ANOS1: variants seen among roughly 807,000 people sequenced by gnomAD.
ANOS1 encodes the protein anosmin-1.
ANOS1 carries 6 observed loss-of-function variants against 59.0 expected under a neutral mutation model. That is an observed-to-expected ratio of 0.10 (90% CI 0.06 to 0.20). ANOS1 has a LOEUF of 0.20. ANOS1 is among the 10% of genes least tolerant of loss of function. The pLI is 1.00. For missense variants in ANOS1, 433 were observed against 542.3 expected (o/e 0.80, Z 2.00); for synonymous variants, 217 against 223.4 (o/e 0.97, Z 0.25).
chrX:8,661,027 CTATT>C (rs943208584), intron 2 of ANOS1, among the ~76,000 whole-genome samples: 2 of 111,608 alleles, frequency 1.8e-5, no homozygotes, highest in Non-Finnish European at 3.8e-5. Flanking sequence ...AAACAACAGA[CTATT>C]TATTTTCCCA....
At chrX:8,656,813 G>A (rs1385765847) in intron 2 of ANOS1, among the ~76,000 whole-genome samples, 1 of 111,342 alleles carries the variant, frequency 9.0e-6, no homozygotes, top group Non-Finnish European at 1.9e-5. Flanking sequence ...TTCCCCCAAT[G>A]AGCCAGTACC....
chrX:8,544,926 C>T (rs916043581), intron 9 of ANOS1, among the ~76,000 whole-genome samples: 1 of 106,935 alleles, frequency 9.4e-6, no homozygotes, highest in African/African-American at 3.4e-5. Context: ...ATTAGCCAAG[C>T]GTGGTGGTGC....
chrX:8,684,427 G>A (rs1171647816), intron 2 of ANOS1, among the ~76,000 whole-genome samples: 1 of 111,347 alleles, frequency 9.0e-6, no homozygotes, highest in Non-Finnish European at 1.9e-5. Flanking sequence ...CTTGCCGGCC[G>A]TAATGTGAAT....
intron 1 of ANOS1, among the ~76,000 whole-genome samples, chrX:8,720,388 AT>A (rs1178844909): frequency 2.7e-5 from 3 of 111,517 alleles, no homozygotes. Flanking sequence ...AAACTCTGCT[AT>A]TTCATTACAT....
intron 8 of ANOS1, among the ~76,000 whole-genome samples, chrX:8,562,617 A>G (rs1601954832): frequency 8.9e-6 from 1 of 112,309 alleles, no homozygotes; most frequent in East Asian, 2.8e-4. Context: ...GATTCAGAGT[A>G]TTTTCTCTCC....
chrX:8,685,796 A>G (rs911660354), intron 2 of ANOS1, among the ~76,000 whole-genome samples: 3 of 111,652 alleles, frequency 2.7e-5, no homozygotes, highest in Admixed American at 9.5e-5. Flanking sequence ...ACAAATGGAA[A>G]ATGAACTTAC....
chrX:8,611,913 T>C (rs1931065460), intron 3 of ANOS1, among the ~76,000 whole-genome samples: 1 of 111,615 alleles, frequency 9.0e-6, no homozygotes, highest in South Asian at 3.7e-4. Context: ...AAATACATGA[T>C]TATATTTAAA....
intron 8 of ANOS1, among the ~76,000 whole-genome samples, chrX:8,558,386 T>C (rs1929981242): frequency 9.1e-6 from 1 of 109,319 alleles, no homozygotes; most frequent in Non-Finnish European, 1.9e-5. Flanking sequence ...AACTGTCTGT[T>C]TTTTTTTTAA....
intron 1 of ANOS1, among the ~76,000 whole-genome samples, chrX:8,710,193 G>A (rs776682264): frequency 3.0e-4 from 34 of 111,610 alleles, no homozygotes; most frequent in African/African-American, 1.0e-3. Flanking sequence ...GCCTCCCAAA[G>A]TGCTGGGATT....
At chrX:8,676,022 T>C (rs1403366795) in intron 2 of ANOS1, among the ~76,000 whole-genome samples, 1 of 110,878 alleles carries the variant, frequency 9.0e-6, no homozygotes, top group Non-Finnish European at 1.9e-5. Flanking sequence ...TTCATGTCCC[T>C]GCAAAGGACA....
intron 1 of ANOS1, among the ~76,000 whole-genome samples, chrX:8,729,391 C>CT (rs1162458402): frequency 0.02 from 1,479 of 72,601 alleles, 188 homozygotes; most frequent in African/African-American, 0.031. Flanking sequence ...ACCTTCCTTC[C>CT]TTTTTTTTTT....
intron 1 of ANOS1, among the ~76,000 whole-genome samples, chrX:8,730,982 A>C (rs1932970411): frequency 9.0e-6 from 1 of 111,691 alleles, no homozygotes; most frequent in Admixed American, 9.4e-5. Flanking sequence ...AACCCGCTGG[A>C]GCCAAGCGCG....
intron 2 of ANOS1, among the ~76,000 whole-genome samples, chrX:8,659,570 C>T (rs867531270): frequency 1.2e-5 from 1 of 85,524 alleles, no homozygotes; most frequent in South Asian, 6.9e-4. Context: ...TCCTTCCTCC[C>T]TGCTTGCTTG....
At chrX:8,533,149 C>T (rs1051965718) in intron 13 of ANOS1, 96 bp from the exon 14 acceptor site, 1 of 553,432 alleles carries the variant, frequency 1.8e-6, no homozygotes, top group Non-Finnish European at 3.1e-6. Flanking sequence ...GAGACCCTGG[C>T]AAATGTTCCT....
chrX:8,588,574 C>A (rs1930562482), intron 4 of ANOS1, among the ~76,000 whole-genome samples: 1 of 112,008 alleles, frequency 8.9e-6, no homozygotes, highest in South Asian at 3.7e-4. Context: ...ATCAATTGCT[C>A]AAGCATTCCC....
chrX:8,585,494 T>C lies in ANOS1; in HGVS notation c.727-98A>G. Reference sequence around the variant, plus strand: ...AAAAATACACTAACCCATCAGCCAATGCAACTCAGTCTGTCTTCCCCCTGA... The same window carrying C: ...AAAAATACACTAACCCATCAGCCAACGCAACTCAGTCTGTCTTCCCCCTGA... On this transcript the variant is annotated intron_variant, in intron 5 of 13. Coordinates refer to ENST00000262648, the MANE Select transcript of ANOS1 (RefSeq NM_000216.4). The C allele has an allele frequency of 4.1e-6, 4 of 966,166 alleles. No homozygotes were observed. The South Asian group carries it at 7.9e-5, about 19-fold the overall frequency. 79.6% of individuals were successfully genotyped at this position (966,166 alleles called of 1,213,427 possible). A position where few individuals can be genotyped will look rare whatever the true frequency, so the allele number is the denominator to read the frequency against.
At chrX:8,614,835 A>G (rs1272119459) in intron 3 of ANOS1, among the ~76,000 whole-genome samples, 1 of 49,895 alleles carries the variant, frequency 2.0e-5, no homozygotes, top group Non-Finnish European at 4.3e-5. Context: ...AACTGAGTCT[A>G]GAATAATTTG....
chrX:8,570,525 T>G lies in ANOS1; in HGVS notation c.1036A>C (p.Lys346Gln). 8.3e-7 allele frequency: 1 copy of G among 1,211,000 alleles called. No homozygotes were observed. The highest frequency in any genetic ancestry group is 1.1e-6 in the Non-Finnish European group (1 of 894,693). Residue 346 changes from lysine (K) to glutamine (Q), a missense_variant, in exon 7 of 14, where the codon AAG (lysine) becomes CAG (glutamine). By Grantham distance (53) the Lys-to-Gln change is moderately conservative (BLOSUM62 1). Transcript: ENST00000262648. ...VSSKSLVPTK[K>Q]KRRKTTDGFQ... ...CCATCCGTAGTCTTTCTCCGCTTCT[T>G]CTTTGTTGGGACAAGAGACTTACTG...
intron 4 of ANOS1, among the ~76,000 whole-genome samples, chrX:8,593,269 A>G (rs1377342863): frequency 9.0e-6 from 1 of 111,704 alleles, no homozygotes; most frequent in African/African-American, 3.3e-5. Flanking sequence ...TTGCACCCCA[A>G]TGCCCATTAT....
Sources: gnomAD v4.1 joint callset for allele counts (sites outside exome capture counted in the v4.1 genomes callset) on GRCh38, gnomAD v4.1.1 for gene constraint, MANE v1.5 for transcripts, NCBI Gene and HGNC (gene_info 2026-07-23, HGNC 2026-07-21) for gene names.